VWDE: variants seen among roughly 807,000 people sequenced by gnomAD.
VWDE encodes von Willebrand factor D and EGF domains.
Under a neutral mutation model 178.4 loss-of-function variants are expected in VWDE, and 207 were observed. The observed-to-expected ratio is 1.16, with a 90% CI of 1.04 to 1.30. The LOEUF (loss-of-function observed/expected upper bound fraction) is 1.30, where lower values mean the gene tolerates loss of function less well. Ranked by LOEUF, VWDE falls within the 50% of genes most tolerant of loss-of-function variation. The pLI is 0.00. For missense variants in VWDE, 2,287 were observed against 1,901.3 expected, an observed-to-expected ratio of 1.20 and a Z score of -3.77; for synonymous variants, 738 against 651.4, an observed-to-expected ratio of 1.13 and a Z score of -2.02.
chr7:12,382,580 A>T (rs1179151766), intron 4 of VWDE, among the ~76,000 whole-genome samples: 1 of 151,934 alleles, frequency 6.6e-6, no homozygotes, highest in Non-Finnish European at 1.5e-5. Flanking sequence ...TCTAGGCCTG[A>T]TATTTGAACA....
chr7:12,355,413 C>T (rs1782182586), intron 18 of VWDE, among the ~76,000 whole-genome samples: 1 of 57,610 alleles, frequency 1.7e-5, no homozygotes, highest in Non-Finnish European at 3.0e-5. Context: ...GAAACTCCGT[C>T]TCAAAAAAAA....
intron 12 of VWDE, 111 bp from the exon 13 acceptor site, chr7:12,367,604 T>G: frequency 1.1e-6 from 1 of 941,646 alleles, no homozygotes; most frequent in Non-Finnish European, 1.5e-6. Context: ...TATTTTAAAG[T>G]ATACCTAAAA....
intron 18 of VWDE, 57 bp from the exon 19 acceptor site, chr7:12,351,770 C>A: frequency 1.4e-6 from 2 of 1,431,732 alleles, no homozygotes; most frequent in South Asian, 1.4e-5. Flanking sequence ...AACCAAAGCA[C>A]CACAAATAAG....
At chr7:12,336,947 G>T in intron 26 of VWDE, 41 bp downstream of exon 26, 1 of 1,495,522 alleles carries the variant, frequency 6.7e-7, no homozygotes, top group East Asian at 2.5e-5. Flanking sequence ...ACATTCCCAT[G>T]AAGGACGAAA....
At chr7:12,346,921 A>G (rs935712306) in intron 19 of VWDE, among the ~76,000 whole-genome samples, 67 of 152,262 alleles carry the variant, frequency 4.4e-4, no homozygotes, top group African/African-American at 1.5e-3. Context: ...AAAATGAACC[A>G]AAAACAACAA....
At position 12,383,343 on chromosome 7, in the gene VWDE, T is replaced by C. The variant is rs138772826; in HGVS notation, c.541+193A>G. Among the ~76,000 whole-genome samples, 951 of 152,160 alleles carry C rather than the reference T, an allele frequency of 6.3e-3. 6 individuals carry two copies. Among genetic ancestry groups the C allele is most frequent in the Non-Finnish European group, 0.011 (732 of 67,920 alleles). On this transcript the variant is annotated intron_variant, in intron 4 of 28. Coordinates refer to ENST00000275358, the MANE Select transcript of VWDE (RefSeq NM_001135924.3). ...ACTAATACACACACGTTTGCCTAAC[T>C]CTCTGTACCTCACCCAACTCGAGGA...
chr7:12,399,323 C>A (rs998423208), intron 1 of VWDE, among the ~76,000 whole-genome samples: 2 of 151,962 alleles, frequency 1.3e-5, no homozygotes, highest in Admixed American at 1.3e-4. Flanking sequence ...AAACGTCTTA[C>A]CAGAGACAAG....
At chr7:12,390,398 A>G (rs1298830326) in intron 2 of VWDE, among the ~76,000 whole-genome samples, 1 of 152,000 alleles carries the variant, frequency 6.6e-6, no homozygotes, top group Non-Finnish European at 1.5e-5. Context: ...AAAGTGCCAT[A>G]GTGAGGTATA....
At chr7:12,341,587 G>A (rs1034208365) in intron 23 of VWDE, among the ~76,000 whole-genome samples, 13 of 151,044 alleles carry the variant, frequency 8.6e-5, no homozygotes, top group Non-Finnish European at 1.9e-4. Flanking sequence ...AGCCAAGATC[G>A]CCCCACTGCA....
intron 12 of VWDE, among the ~76,000 whole-genome samples, 197 bp from the exon 13 acceptor site, chr7:12,367,690 CAAT>C (rs1241011414): frequency 6.6e-6 from 1 of 151,768 alleles, no homozygotes; most frequent in African/African-American, 2.4e-5. Context: ...ACCATCAAAC[CAAT>C]AATAATATTA....
Position 12,337,360 on chromosome 7 carries a change from G to A in VWDE, c.4367-88C>T. 5 of 1,103,196 alleles carry A rather than the reference G, an allele frequency of 4.5e-6. No homozygotes were observed. In the East Asian group the frequency reaches 7.7e-5, roughly 17 times the overall value. The allele number at this position is 1,103,196 out of a possible 1,614,324, so 68.3% of individuals were successfully genotyped here. A position where few individuals can be genotyped will look rare whatever the true frequency, so the allele number is the denominator to read the frequency against. ...TGCATCATGTGCTTGTCATCAATGAGGACATAAGGCAGAGAAATGTGCTAT... is the reference window on the plus strand; with the variant it reads ...TGCATCATGTGCTTGTCATCAATGAAGACATAAGGCAGAGAAATGTGCTAT... On this transcript the variant is annotated intron_variant, in intron 24 of 28. Transcript: ENST00000275358.
At chr7:12,379,688 TTAAA>T (rs1382114922) in intron 5 of VWDE, 122 bp from the exon 6 acceptor site, 3 of 587,910 alleles carry the variant, frequency 5.1e-6, no homozygotes, top group Admixed American at 3.6e-5. Flanking sequence ...AATAAAAGAA[TTAAA>T]TAATTTAAAA....
chr7:12,365,524 C>G (rs1400660520), intron 13 of VWDE, among the ~76,000 whole-genome samples: 1 of 151,976 alleles, frequency 6.6e-6, no homozygotes, highest in Non-Finnish European at 1.5e-5. Context: ...TCGAAGGGAA[C>G]TGAAATTTGA....
Position 12,359,587 on chromosome 7 carries a change from A to G in VWDE, c.3265T>C (p.Phe1089Leu). 6.5e-7 allele frequency: 1 copy of G among 1,545,876 alleles called. No individual in the cohort carries two copies. Among genetic ancestry groups the G allele is most frequent in the East Asian group, 2.5e-5 (1 of 40,748 alleles). Residue 1089 changes from phenylalanine to leucine, a missense_variant, in exon 16 of 29, where the codon TTT becomes CTT. Coordinates refer to ENST00000275358, the MANE Select transcript of VWDE (RefSeq NM_001135924.3). Reference protein sequence around the residue: ...RPKISRFTWSFLENNQPPVIQ... With the variant: ...RPKISRFTWSLLENNQPPVIQ... ...ATAAAGAGTAACTTACTTTCTAAAA[A>G]TGACCAAGTAAATCTTGAAATTTTG...
rs1454518505 is a variant in VWDE at position 12,393,742 on chromosome 7, C to T, written c.95G>A (p.Arg32Gln). Reference protein sequence around the residue: ...ECSPGGHQFLRSPYRSVRFDS... With the variant: ...ECSPGGHQFLQSPYRSVRFDS... ...AAAACGGACACTTCTATAAGGACTC[C>T]GAAGAAACTGGTGTCCCCCAGGAGA... is the stretch of plus-strand genomic sequence containing the variant. Residue 32 changes from arginine (R) to glutamine (Q), a missense_variant, in exon 2 of 29, where the codon CGG becomes CAG. Coordinates refer to ENST00000275358, the MANE Select transcript of VWDE (RefSeq NM_001135924.3). The T allele has an allele frequency of 1.3e-5, 20 of 1,550,384 alleles. No individual in the cohort carries two copies. Among genetic ancestry groups the T allele is most frequent in the South Asian group, 3.6e-5 (3 of 83,916 alleles).
At position 12,375,237 on chromosome 7, in the gene VWDE, G is replaced by A. The variant is rs1322219726; in HGVS notation, c.1025-10C>T. ...CCTAGGTGCTCTCTACCTATTTAAT[G>A]AAAAAATAGGTTTAAAAATTTCCAA... On this transcript the variant is annotated splice_polypyrimidine_tract_variant and intron_variant, in intron 7 of 28. Transcript: ENST00000275358. 2.0e-6 allele frequency: 3 copies of A among 1,538,044 alleles called. No homozygotes were observed. The highest frequency in any genetic ancestry group is 2.6e-6 in the Non-Finnish European group (3 of 1,138,092).
At chr7:12,385,923 C>T in intron 3 of VWDE, among the ~76,000 whole-genome samples, 1 of 152,038 alleles carries the variant, frequency 6.6e-6, no homozygotes, top group Non-Finnish European at 1.5e-5. Context: ...ATGATAGTGA[C>T]ATTAACAAAA....
chr7:12,364,298 G>A (rs1782742206), intron 13 of VWDE, among the ~76,000 whole-genome samples: 1 of 151,994 alleles, frequency 6.6e-6, no homozygotes, highest in Non-Finnish European at 1.5e-5. Context: ...GTAACAAGAA[G>A]CACACCTTGC....
intron 7 of VWDE, among the ~76,000 whole-genome samples, chr7:12,376,891 T>TTC (rs772672133): frequency 2.0e-4 from 31 of 151,532 alleles, no homozygotes; most frequent in African/African-American, 4.4e-4. Flanking sequence ...ATGATTCTCT[T>TTC]TCTCTCTCTC....
Sources: gnomAD v4.1 joint callset for allele counts (sites outside exome capture counted in the v4.1 genomes callset) on GRCh38, gnomAD v4.1.1 for gene constraint, MANE v1.5 for transcripts, NCBI Gene and HGNC (gene_info 2026-07-23, HGNC 2026-07-21) for gene names.